LLGL1: variants seen among roughly 807,000 people sequenced by gnomAD.
The protein encoded by LLGL1 is LLGL scribble cell polarity complex component 1.
In LLGL1, 58 loss-of-function variants were observed where a neutral mutation model predicts 110.6. The observed-to-expected ratio is 0.52, with a 90% confidence interval of 0.42 to 0.65. The LOEUF is 0.65. LLGL1 is among the 30% of genes least tolerant of loss of function. The probability of loss-of-function intolerance (pLI) is 0.00; values close to 1 mark genes in which losing one functional copy is unlikely to be tolerated. For missense variants in LLGL1, 1,229 were observed against 1,462.1 expected, an observed-to-expected ratio of 0.84 and a Z score of 2.60; for synonymous variants, 674 against 607.2, an observed-to-expected ratio of 1.11 and a Z score of -1.62.
At chr17:18,236,282 T>G in intron 11 of LLGL1, 1 of 317,696 alleles carries the variant, frequency 3.1e-6, no homozygotes, top group Non-Finnish European at 5.9e-6. Context: ...CTCTGATGGC[T>G]GCTCCAGTGC....
At chr17:18,233,640 TG>T in intron 4 of LLGL1, 137 bp from the exon 5 acceptor site, 1 of 819,262 alleles carries the variant, frequency 1.2e-6, no homozygotes, top group Non-Finnish European at 1.9e-6. Context: ...CATGTCTTCC[TG>T]GGGTGGCTCT....
chr17:18,233,890 A>T lies in LLGL1; in HGVS notation c.505A>T (p.Thr169Ser). 1 of 1,613,466 alleles carries T rather than the reference A, an allele frequency of 6.2e-7. No homozygotes were observed. Among genetic ancestry groups the T allele is most frequent in the Non-Finnish European group, 8.5e-7 (1 of 1,179,980 alleles). The change falls in exon 5 of 23, where the codon ACC becomes TCC. Residue 169 changes from threonine (T) to serine (S), a missense_variant. By Grantham distance (58) the Thr-to-Ser change is moderately conservative. Coordinates refer to ENST00000316843, the MANE Select transcript of LLGL1 (RefSeq NM_004140.4). ...SVFFLDVTTL[T>S]LLEGQTLAPG... ...CTTCTTCCTGGATGTTACCACCCTG[A>T]CCCTGCTCGAGGGGCAGACGCTTGC...
Position 18,238,056 on chromosome 17 carries a change from T to G in LLGL1, c.1905-11T>G. The G allele has an allele frequency of 1.9e-6, 3 of 1,613,270 alleles. No homozygotes were observed. The highest frequency in any genetic ancestry group is 2.5e-6 in the Non-Finnish European group (3 of 1,179,878). On this transcript the variant is annotated splice_polypyrimidine_tract_variant and intron_variant, in intron 14 of 22. Transcript: ENST00000316843. ...TGCTCTATAGCACGACTGGACCCTG[T>G]CTTCCCCCAGGTGCACTCTTCACCC... is the stretch of plus-strand genomic sequence containing the variant.
Position 18,241,645 on chromosome 17 carries a change from G to T in LLGL1, c.2697G>T (p.Val899=). The T allele has an allele frequency of 6.2e-7, 1 of 1,613,728 alleles. No individual in the cohort carries two copies. Residue 899 remains valine, a synonymous_variant, in exon 18 of 23, where the codon GTG becomes GTT. Transcript: ENST00000316843. ...VFSVPGLRPQ[V]HYSCIRKEDI... ...CGGTGCCTGGCCTGCGGCCCCAGGTGCACTATTCCTGCATCCGGAAGGAGG... is the reference window on the plus strand; with the variant it reads ...CGGTGCCTGGCCTGCGGCCCCAGGTTCACTATTCCTGCATCCGGAAGGAGG...
chr17:18,233,113 T>C (rs1371561937), intron 4 of LLGL1, among the ~76,000 whole-genome samples: 5 of 152,136 alleles, frequency 3.3e-5, no homozygotes, highest in Non-Finnish European at 7.4e-5. Context: ...CTTACTGCAA[T>C]GATGGGGGTG....
In LLGL1 at chr17:18,235,156, T is replaced by G; in HGVS notation, c.1128T>G (p.Thr376=). ...AGCTGGTGGTGCTGGACCTGCAGAC[T>G]CCTGGCTGGCCAGCTGTGCCTGCCC... ...EEELVVLDLQ[T]PGWPAVPAPY... is the part of the protein sequence containing the mutation. Residue 376 remains threonine (T), a synonymous_variant, in exon 10 of 23, where the codon ACT becomes ACG. Coordinates refer to ENST00000316843, the MANE Select transcript of LLGL1 (RefSeq NM_004140.4). 6.2e-7 allele frequency: 1 copy of G among 1,613,506 alleles called. No homozygotes were observed. Among genetic ancestry groups the G allele is most frequent in the Non-Finnish European group, 8.5e-7 (1 of 1,180,020 alleles).
At position 18,238,597 on chromosome 17, in the gene LLGL1, T is replaced by C; in HGVS notation, c.2194T>C (p.Phe732Leu). ...VVRCLYFADT[F>L]LRDGAHHGPT... is the part of the protein sequence containing the mutation. The stretch of plus-strand genomic sequence containing the variant: ...GCGTTGCCTATACTTTGCCGACACA[T>C]TCCTTCGAGATGGTAAGGCAGGGGC... The change falls in exon 16 of 23, where the codon TTC becomes CTC. Residue 732 changes from phenylalanine (F) to leucine (L), a missense_variant. Phe to Leu is a conservative substitution (Grantham distance 22, BLOSUM62 0). Coordinates refer to ENST00000316843, the MANE Select transcript of LLGL1 (RefSeq NM_004140.4). 6.2e-7 allele frequency: 1 copy of C among 1,612,128 alleles called. No individual in the cohort carries two copies.
In LLGL1 at chr17:18,240,916, C is replaced by T. The variant is rs759624475; in HGVS notation, c.2502+43C>T. ...GTGGGGGACTCTGGGGGACTCCCCT[C>T]CAGGCCCCAACCTCATGGACACCAT... On this transcript the variant is annotated intron_variant, in intron 17 of 22. Transcript: ENST00000316843. The surrounding 1 kb of genome is among the most constrained non-coding windows in gnomAD (Gnocchi z 5.3). 287 of 1,473,598 alleles carry T rather than the reference C, an allele frequency of 1.9e-4. No homozygotes were observed. The highest frequency in any genetic ancestry group is 2.2e-4 in the Non-Finnish European group (246 of 1,101,444). 91.3% of individuals were successfully genotyped at this position (1,473,598 alleles called of 1,614,324 possible). A position where few individuals can be genotyped will look rare whatever the true frequency, so the allele number is the denominator to read the frequency against.
intron 2 of LLGL1, among the ~76,000 whole-genome samples, chr17:18,230,321 A>T (rs1320811151): frequency 1.3e-5 from 2 of 152,136 alleles, no homozygotes; most frequent in East Asian, 3.9e-4. Context: ...TACCTAGGCG[A>T]CCCTGCCATC....
intron 1 of LLGL1, among the ~76,000 whole-genome samples, chr17:18,226,506 C>G (rs77920465): frequency 6.6e-6 from 1 of 152,230 alleles, no homozygotes. Flanking sequence ...CTCTGCCTTG[C>G]CCTGCTCTGC....
Position 18,240,833 on chromosome 17 carries a change from G to A in LLGL1, c.2462G>A (p.Gly821Asp). 1 of 1,564,384 alleles carries A rather than the reference G, an allele frequency of 6.4e-7. No homozygotes were observed. The highest frequency in any genetic ancestry group is 8.7e-7 in the Non-Finnish European group (1 of 1,151,614). ...CTGGCGCAGGCACCTGACATGCAGG[G>A]TGGTCACGCTGTGCTCATCGCATCT... is the stretch of plus-strand genomic sequence containing the variant. ...RDLAQAPDMQ[G>D]GHAVLIASEE... The change falls in exon 17 of 23, where the codon GGT (glycine) becomes GAT (aspartate). Residue 821 changes from glycine (G) to aspartate (D), a missense_variant. Gly to Asp is a moderately conservative substitution (Grantham distance 94). Transcript: ENST00000316843. The surrounding 1 kb of genome is among the most constrained non-coding windows in gnomAD (Gnocchi z 5.3).
In LLGL1 at chr17:18,238,108, C is replaced by T. The variant is rs770323651; in HGVS notation, c.1946C>T (p.Pro649Leu). The change falls in exon 15 of 23, where the codon CCG becomes CTG. Residue 649 changes from proline (P) to leucine (L), a missense_variant. Physicochemically the swap from Pro to Leu is moderately conservative, Grantham distance 98. Transcript: ENST00000316843. ...AATGACTCCCTGGCCATGGAGGGTC[C>T]GCTCTCCCGGGTGAAGTCTCTCAAG... ...HPNDSLAMEG[P>L]LSRVKSLKKS... 4 of 1,613,818 alleles carry T rather than the reference C, an allele frequency of 2.5e-6. No individual in the cohort carries two copies. The highest frequency in any genetic ancestry group is 1.1e-5 in the South Asian group (1 of 91,080).
At chr17:18,237,193 A>G (rs1048355227) in intron 13 of LLGL1, 1 of 595,082 alleles carries the variant, frequency 1.7e-6, no homozygotes, top group Admixed American at 3.0e-5. Flanking sequence ...GAGGTGCTCA[A>G]TGTGTCCTTA....
chr17:18,240,896 G>T lies in LLGL1; in HGVS notation c.2502+23G>T, dbSNP rs763220617. ...AAGGTGAGCCACTGTGGGCTGTGGG[G>T]GACTCTGGGGGACTCCCCTCCAGGC... On this transcript the variant is annotated intron_variant, in intron 17 of 22. Coordinates refer to ENST00000316843, the MANE Select transcript of LLGL1 (RefSeq NM_004140.4). This position sits in a 1 kb window ranked among gnomAD's most constrained non-coding sequence, Gnocchi z 5.3. 13 of 1,487,842 alleles carry T rather than the reference G, an allele frequency of 8.7e-6. No homozygotes were observed. The highest frequency in any genetic ancestry group is 1.2e-5 in the Non-Finnish European group (13 of 1,109,684). The allele number at this position is 1,487,842 out of a possible 1,614,324, so 92.2% of individuals were successfully genotyped here.
In LLGL1 at chr17:18,234,982, G is replaced by A. The variant is rs142159009; in HGVS notation, c.1049G>A (p.Arg350Gln). 665 of 1,613,872 alleles carry A rather than the reference G, an allele frequency of 4.1e-4. 2 individuals are homozygous for A. The highest frequency in any genetic ancestry group is 9.8e-4 in the Admixed American group (59 of 60,018). Residue 350 changes from arginine to glutamine, a missense_variant, in exon 9 of 23, where the codon CGG becomes CAG. Physicochemically the swap from Arg to Gln is conservative, Grantham distance 43 (BLOSUM62 1). Transcript: ENST00000316843. ...IIDFFTVHST[R>Q]PEDEFDDPQA... The stretch of plus-strand genomic sequence containing the variant: ...GACTTCTTCACAGTGCACAGCACAC[G>A]GCCCGAGGATGGTGCGTGCCCTGCC...
chr17:18,227,736 C>T (rs932332234), intron 1 of LLGL1, among the ~76,000 whole-genome samples: 2 of 152,166 alleles, frequency 1.3e-5, no homozygotes, highest in African/African-American at 4.8e-5. Flanking sequence ...GCAGTGGGGG[C>T]TGGAGACAGA....
At position 18,241,734 on chromosome 17, in the gene LLGL1, C is replaced by T. The variant is rs200859750; in HGVS notation, c.2767+19C>T. On this transcript the variant is annotated intron_variant, in intron 18 of 22. Coordinates refer to ENST00000316843, the MANE Select transcript of LLGL1 (RefSeq NM_004140.4). ...GGCCAGGGTGAGGCGGGGCAGAGGC[C>T]GAGGAGGCCTTCCTCAGGCGAGCGA... 1.8e-4 allele frequency: 286 copies of T among 1,610,252 alleles called. No homozygotes were observed. Among genetic ancestry groups the T allele is most frequent in the Middle Eastern group, 3.3e-4 (2 of 6,064 alleles).
At position 18,241,873 on chromosome 17, in the gene LLGL1, C is replaced by T. The variant is rs1253217626; in HGVS notation, c.2768-12C>T. 1 of 1,610,258 alleles carries T rather than the reference C, an allele frequency of 6.2e-7. No homozygotes were observed. The highest frequency in any genetic ancestry group is 8.5e-7 in the Non-Finnish European group (1 of 1,176,560). On this transcript the variant is annotated splice_polypyrimidine_tract_variant and intron_variant, in intron 18 of 22. Transcript: ENST00000316843. ...TCTTCTAACTGCACTCCTCATTCTT[C>T]TGCCCACCCAGGCTTTTACCTGATA... is the stretch of plus-strand genomic sequence containing the variant.
At chr17:18,239,797 C>T (rs1381645618) in intron 16 of LLGL1, among the ~76,000 whole-genome samples, 2 of 151,864 alleles carry the variant, frequency 1.3e-5, no homozygotes, top group African/African-American at 2.4e-5. Flanking sequence ...AGAGGAGAGC[C>T]TGGGGTTTTT....
Sources: gnomAD v4.1 joint callset for allele counts (sites outside exome capture counted in the v4.1 genomes callset) on GRCh38, gnomAD v4.1.1 for gene constraint, Gnocchi (gnomAD v3.1) non-coding constraint, MANE v1.5 for transcripts, NCBI Gene and HGNC (gene_info 2026-07-23, HGNC 2026-07-21) for gene names.